Variants in SPMIP4 observed in about 807,000 individuals in gnomAD.
SPMIP4 encodes the protein sperm microtubule inner protein 4.
chr7:25,170,669 C>T, the SPMIP4 span, among the ~76,000 whole-genome samples: 898 of 152,296 alleles, frequency 5.9e-3, 6 homozygotes, highest in African/African-American at 0.02. Flanking sequence ...TTAGCCCTTA[C>T]GCTTAGGTCT....
the SPMIP4 span, among the ~76,000 whole-genome samples, chr7:25,138,732 A>T: frequency 1.6e-3 from 240 of 152,368 alleles, 1 homozygote; most frequent in African/African-American, 5.5e-3. The surrounding 1 kb of genome is among the most constrained non-coding windows in gnomAD (Gnocchi z 6.2). Flanking sequence ...GAAGTTTCCT[A>T]AAATCATATA....
chr7:25,154,385 G>C, the SPMIP4 span, among the ~76,000 whole-genome samples: 1 of 151,958 alleles, frequency 6.6e-6, no homozygotes, highest in Non-Finnish European at 1.5e-5. Context: ...TGGCCTCTCT[G>C]TTTACGCACA....
the SPMIP4 span, among the ~76,000 whole-genome samples, chr7:25,178,127 A>G: frequency 6.6e-6 from 1 of 152,222 alleles, no homozygotes; most frequent in Non-Finnish European, 1.5e-5. Flanking sequence ...ACGTTGCTGC[A>G]AAGGACATGA....
the SPMIP4 span, among the ~76,000 whole-genome samples, chr7:25,178,698 G>C: frequency 6.6e-6 from 1 of 152,194 alleles, no homozygotes; most frequent in East Asian, 1.9e-4. Flanking sequence ...ACAGACACTT[G>C]AAGGTTCAGA....
the SPMIP4 span, among the ~76,000 whole-genome samples, chr7:25,127,808 G>A: frequency 6.6e-6 from 1 of 152,072 alleles, no homozygotes; most frequent in African/African-American, 2.4e-5. Context: ...TCACAGTCTG[G>A]GCTTTTTATT....
the SPMIP4 span, chr7:25,179,154 T>C: frequency 6.3e-7 from 1 of 1,578,606 alleles, no homozygotes; most frequent in Non-Finnish European, 8.6e-7. Context: ...TCTTGTTTGC[T>C]TTTTCTAGTT....
At chr7:25,157,773 A>G in the SPMIP4 span, among the ~76,000 whole-genome samples, 47 of 152,300 alleles carry the variant, frequency 3.1e-4, no homozygotes, top group African/African-American at 1.1e-3. Context: ...GGGACAGAAG[A>G]AGGACATGAA....
the SPMIP4 span, among the ~76,000 whole-genome samples, chr7:25,128,687 A>G: frequency 6.6e-6 from 1 of 152,012 alleles, no homozygotes; most frequent in Non-Finnish European, 1.5e-5. This position sits in a 1 kb window ranked among gnomAD's most constrained non-coding sequence, Gnocchi z 4.5. Context: ...TTGGTGCCCT[A>G]CTCCCCAGTA....
the SPMIP4 span, among the ~76,000 whole-genome samples, chr7:25,133,264 C>A: frequency 6.6e-6 from 1 of 152,078 alleles, no homozygotes; most frequent in East Asian, 1.9e-4. Flanking sequence ...ATATAATGGA[C>A]AAATGAGTCC....
At chr7:25,171,085 TAA>T in the SPMIP4 span, among the ~76,000 whole-genome samples, 1 of 152,230 alleles carries the variant, frequency 6.6e-6, no homozygotes, top group African/African-American at 2.4e-5. Flanking sequence ...TTGTGCATGC[TAA>T]AGTTTTAGAA....
chr7:25,142,604 G>C, the SPMIP4 span: 11 of 1,542,286 alleles, frequency 7.1e-6, no homozygotes, highest in Admixed American at 2.2e-4. Flanking sequence ...TTCCAATTTT[G>C]TTCTAATTTT....
chr7:25,145,855 A>G, the SPMIP4 span, among the ~76,000 whole-genome samples: 46 of 152,340 alleles, frequency 3.0e-4, no homozygotes, highest in African/African-American at 1.1e-3. Flanking sequence ...CTAGGCACCA[A>G]AACTCCATAA....
At chr7:25,127,493 C>G in the SPMIP4 span, among the ~76,000 whole-genome samples, 7 of 152,044 alleles carry the variant, frequency 4.6e-5, no homozygotes, top group African/African-American at 1.4e-4. Context: ...TTTTTTAGTA[C>G]GTTAATTGGA....
the SPMIP4 span, among the ~76,000 whole-genome samples, chr7:25,156,515 A>G: frequency 6.6e-6 from 1 of 152,228 alleles, no homozygotes; most frequent in Non-Finnish European, 1.5e-5. Context: ...GTTAATTTTA[A>G]TAGCCTTTTG....
At chr7:25,128,529 G>C in the SPMIP4 span, among the ~76,000 whole-genome samples, 689 of 152,344 alleles carry the variant, frequency 4.5e-3, 2 homozygotes, top group Non-Finnish European at 8.0e-3. The surrounding 1 kb of genome is among the most constrained non-coding windows in gnomAD (Gnocchi z 4.5). Context: ...ATTCACTCAA[G>C]GCACAGGGGC....
At chr7:25,170,881 A>G in the SPMIP4 span, among the ~76,000 whole-genome samples, 1 of 152,186 alleles carries the variant, frequency 6.6e-6, no homozygotes, top group Non-Finnish European at 1.5e-5. Flanking sequence ...CTTGTAAAGG[A>G]GCTACTTACC....
the SPMIP4 span, chr7:25,136,166 CAAG>C: frequency 6.2e-7 from 1 of 1,614,134 alleles, no homozygotes; most frequent in Non-Finnish European, 8.5e-7. This position sits in a 1 kb window ranked among gnomAD's most constrained non-coding sequence, Gnocchi z 5.7. Context: ...GGAATCCAAC[CAAG>C]AACAGGTCTT....
chr7:25,162,833 G>A, the SPMIP4 span, among the ~76,000 whole-genome samples: 2 of 151,986 alleles, frequency 1.3e-5, no homozygotes, highest in South Asian at 2.1e-4. Context: ...GTGCAATGGC[G>A]TGATCTCAGC....
the SPMIP4 span, among the ~76,000 whole-genome samples, chr7:25,144,577 T>C: frequency 6.6e-6 from 1 of 152,210 alleles, no homozygotes; most frequent in South Asian, 2.1e-4. Context: ...GGGCCTAGGA[T>C]TGGGTTTAAA....
Sources: allele counts gnomAD v4.1 joint callset (sites outside exome capture counted in the v4.1 genomes callset), GRCh38; gene constraint gnomAD v4.1.1; non-coding constraint Gnocchi (gnomAD v3.1); transcripts MANE v1.5; gene names NCBI Gene and HGNC (gene_info 2026-07-23, HGNC 2026-07-21).